The following RAB27A variants were observed in gnomAD, a reference collection of about 807,000 sequenced individuals.
RAB27A encodes the protein ras-related protein Rab-27A.
RAB27A carries 17 observed loss-of-function variants against 20.8 expected under a neutral mutation model. That is an observed-to-expected ratio of 0.82 (90% confidence interval 0.56 to 1.23). The LOEUF (loss-of-function observed/expected upper bound fraction) is 1.23. Ranked by LOEUF, RAB27A falls within the 50% of genes most tolerant of loss-of-function variation. RAB27A has a pLI of 0.00. For missense variants in RAB27A, 277 were observed against 266.7 expected (o/e 1.04, Z -0.27); for synonymous variants, 85 against 92.8 (o/e 0.92, Z 0.48).
chr15:55,295,568 T>C (rs181670719), intron 2 of RAB27A, among the ~76,000 whole-genome samples: 141 of 152,280 alleles, frequency 9.3e-4, no homozygotes, highest in African/African-American at 3.4e-3. Flanking sequence ...TTCAAAAACA[T>C]TACACTAAGT....
intron 5 of RAB27A, among the ~76,000 whole-genome samples, chr15:55,226,876 A>G (rs1023623653): frequency 5.3e-5 from 8 of 151,988 alleles, no homozygotes; most frequent in Non-Finnish European, 1.2e-4. Flanking sequence ...TCTCAAAAAA[A>G]AAAAAAAAAG....
chr15:55,208,706 C>T (rs1894772468), intron 6 of RAB27A, among the ~76,000 whole-genome samples: 1 of 152,232 alleles, frequency 6.6e-6, no homozygotes, highest in South Asian at 2.1e-4. Flanking sequence ...AACTGTATCA[C>T]ATGCCAATGC....
intron 1 of RAB27A, among the ~76,000 whole-genome samples, chr15:55,315,483 G>C (rs2055039000): frequency 6.6e-6 from 1 of 151,982 alleles, no homozygotes; most frequent in Non-Finnish European, 1.5e-5. Flanking sequence ...CTACAGAATG[G>C]GAGAAAATTT....
intron 2 of RAB27A, among the ~76,000 whole-genome samples, chr15:55,308,998 T>C (rs1172380250): frequency 6.6e-6 from 1 of 152,216 alleles, no homozygotes; most frequent in Admixed American, 6.5e-5. Flanking sequence ...GAGCTATTCC[T>C]GGTTTTTTTA....
rs1894513808 is a variant in RAB27A at position 55,203,828 on chromosome 15, G to T, written c.*1679C>A. The T allele has an allele frequency of 6.6e-6, 1 of 152,116 alleles. No homozygotes were observed. Among genetic ancestry groups the T allele is most frequent in the South Asian group, 2.1e-4 (1 of 4,814 alleles). The allele number at this position is 152,116 out of a possible 1,614,324, so 9.4% of individuals were successfully genotyped here. On this transcript the variant is annotated 3_prime_UTR_variant, in exon 7 of 7. Transcript: ENST00000336787. ...ATTTAAAAGAAGCCTTCATTTCAAG[G>T]ATAGAAATATGTAAAATTTTACCAA... is the stretch of plus-strand genomic sequence containing the variant.
intron 6 of RAB27A, among the ~76,000 whole-genome samples, chr15:55,213,549 G>A (rs1003572706): frequency 2.0e-5 from 3 of 152,168 alleles, no homozygotes; most frequent in African/African-American, 7.2e-5. Context: ...TAAGCAGGGG[G>A]CCAGCGAGCA....
intron 1 of RAB27A, chr15:55,317,852 G>A: frequency 2.5e-6 from 1 of 395,352 alleles, no homozygotes; most frequent in East Asian, 3.6e-5. Context: ...TCCACACCCA[G>A]GAAATCTCTT....
chr15:55,206,206 C>A (rs1297338521), intron 6 of RAB27A: 1 of 485,394 alleles, frequency 2.1e-6, no homozygotes, highest in Non-Finnish European at 2.7e-6. Flanking sequence ...GTTAGACTGT[C>A]TCAAAAAAAA....
At chr15:55,318,697 G>A (rs550943782) in intron 1 of RAB27A, among the ~76,000 whole-genome samples, 136 of 135,810 alleles carry the variant, frequency 1.0e-3, no homozygotes, top group African/African-American at 3.9e-3. Flanking sequence ...GCGAAACTCC[G>A]TCTCAAAAAA....
In RAB27A at chr15:55,317,816, G is replaced by A. The variant is rs116160619; in HGVS notation, c.-234+1115C>T. On this transcript the variant is annotated intron_variant, in intron 1 of 5. Transcript: ENST00000563262. ...ATTGCTGCAACAAATACAGCTCAAG[G>A]AAAAGCTGGTTTTGGAAAGTCACAC... 1.8e-3 allele frequency: 699 copies of A among 397,628 alleles called. 3 individuals are homozygous for A. Among genetic ancestry groups the A allele is most frequent in the African/African-American group, 0.013 (646 of 48,710 alleles). 24.6% of individuals were successfully genotyped at this position (397,628 alleles called of 1,614,324 possible). A position where few individuals can be genotyped will look rare whatever the true frequency, so the allele number is the denominator to read the frequency against.
chr15:55,280,319 GT>G (rs1897982181), intron 1 of RAB27A, among the ~76,000 whole-genome samples: 2 of 152,020 alleles, frequency 1.3e-5, no homozygotes, highest in South Asian at 4.2e-4. Context: ...TCCAGCCTGA[GT>G]TTACTCAGGC....
chr15:55,264,070 G>C (rs1476695898), intron 2 of RAB27A, among the ~76,000 whole-genome samples: 1 of 152,140 alleles, frequency 6.6e-6, no homozygotes, highest in Non-Finnish European at 1.5e-5. Flanking sequence ...TTTGAGACAA[G>C]AGTCTCACTC....
Position 55,234,912 on chromosome 15 carries a change from T to C in RAB27A, c.23A>G (p.Tyr8Cys). The C allele has an allele frequency of 6.2e-7, 1 of 1,612,656 alleles. No individual in the cohort carries two copies. Among genetic ancestry groups the C allele is most frequent in the Non-Finnish European group, 8.5e-7 (1 of 1,179,274 alleles). The change falls in exon 3 of 7, where the codon TAC becomes TGC. Residue 8 changes from tyrosine (Y) to cysteine (C), a missense_variant. Physicochemically the swap from Tyr to Cys is radical, Grantham distance 194. Coordinates refer to ENST00000336787, the MANE Select transcript of RAB27A (RefSeq NM_183235.3). MSDGDYD[Y>C]LIKFLALGDS... ...TCCCAAAGCTAAAAACTTGATGAGGTAATCATAATCTCCATCAGACATAAT... is the reference window on the plus strand; with the variant it reads ...TCCCAAAGCTAAAAACTTGATGAGGCAATCATAATCTCCATCAGACATAAT...
chr15:55,234,939 A>G lies in RAB27A; in HGVS notation c.-5T>C. On this transcript the variant is annotated 5_prime_UTR_variant, in exon 3 of 7. Transcript: ENST00000336787. ...ATCATAATCTCCATCAGACATAATG[A>G]AGAACTCAGTAGTTCACCTGTAAAA... The G allele has an allele frequency of 6.2e-7, 1 of 1,610,582 alleles. No homozygotes were observed. Among genetic ancestry groups the G allele is most frequent in the Non-Finnish European group, 8.5e-7 (1 of 1,178,308 alleles).
chr15:55,227,727 A>G (rs17819042), intron 5 of RAB27A, among the ~76,000 whole-genome samples: 50,826 of 152,104 alleles, frequency 0.33, 9,613 homozygotes, highest in East Asian at 0.73. Context: ...TGTGAAAACC[A>G]CAGTGCACTA....
chr15:55,243,279 G>A (rs1021687730), intron 2 of RAB27A, among the ~76,000 whole-genome samples: 1 of 152,122 alleles, frequency 6.6e-6, no homozygotes, highest in African/African-American at 2.4e-5. Flanking sequence ...TGAAAAGCAA[G>A]CAGAGCAATC....
intron 2 of RAB27A, among the ~76,000 whole-genome samples, chr15:55,302,008 C>A (rs1344518722): frequency 6.6e-6 from 1 of 151,930 alleles, no homozygotes; most frequent in Non-Finnish European, 1.5e-5. Flanking sequence ...GTGAACCTGT[C>A]TCTACCAAAA....
chr15:55,295,928 A>C, intron 2 of RAB27A, among the ~76,000 whole-genome samples: 1 of 141,112 alleles, frequency 7.1e-6, no homozygotes, highest in Non-Finnish European at 1.5e-5. Flanking sequence ...ATAGAGTTTC[A>C]CTCTTTCACC....
At chr15:55,319,115 G>A, upstream of RAB27A, 1 of 1,042,304 alleles carries the variant, frequency 9.6e-7, no homozygotes, top group Non-Finnish European at 1.3e-6. Context: ...CACGTCGGGT[G>A]GGAGCTACGA....
Sources: allele counts gnomAD v4.1 joint callset (sites outside exome capture counted in the v4.1 genomes callset), GRCh38; gene constraint gnomAD v4.1.1; transcripts MANE v1.5; gene names NCBI Gene and HGNC (gene_info 2026-07-23, HGNC 2026-07-21).